The following FAT3 variants were observed in gnomAD, a reference collection of about 807,000 sequenced individuals.
FAT3 encodes the protein protocadherin Fat 3.
In FAT3, 95 loss-of-function variants were observed where a neutral mutation model predicts 310.2. The observed-to-expected ratio is 0.31, with a 90% CI of 0.26 to 0.36. The LOEUF (loss-of-function observed/expected upper bound fraction) is 0.36. Ranked by LOEUF, FAT3 falls within the 10% of genes least tolerant of loss-of-function variation. The probability of loss-of-function intolerance (pLI) is 1.00; values close to 1 mark genes in which losing one functional copy is unlikely to be tolerated. For missense variants in FAT3, 5,408 were observed against 5,715.6 expected, an observed-to-expected ratio of 0.95 and a Z score of 1.74; for synonymous variants, 2,314 against 2,192.9, an observed-to-expected ratio of 1.06 and a Z score of -1.54.
chr11:92,273,040 G>T (rs886679157), intron 1 of FAT3, among the ~76,000 whole-genome samples: 2 of 152,002 alleles, frequency 1.3e-5, no homozygotes, highest in African/African-American at 4.8e-5. Context: ...GCCTTGCTGG[G>T]CATCCCCCAT....
At chr11:92,307,303 T>C (rs1235171722) in intron 1 of FAT3, among the ~76,000 whole-genome samples, 3 of 152,088 alleles carry the variant, frequency 2.0e-5, no homozygotes, top group African/African-American at 7.2e-5. Flanking sequence ...CAACATCATG[T>C]TGAAGCTGGA....
intron 2 of FAT3, among the ~76,000 whole-genome samples, chr11:92,445,660 T>C (rs1951191402): frequency 6.6e-6 from 1 of 152,142 alleles, no homozygotes; most frequent in Non-Finnish European, 1.5e-5. Flanking sequence ...GTTTTGCATA[T>C]ATGAGTGTAT....
At chr11:92,488,909 C>T (rs1353829383) in intron 2 of FAT3, among the ~76,000 whole-genome samples, 1 of 152,088 alleles carries the variant, frequency 6.6e-6, no homozygotes, top group Non-Finnish European at 1.5e-5. Flanking sequence ...ATTTCCTCAA[C>T]ACTAAAGTGA....
chr11:92,348,787 C>T (rs1230363208), intron 1 of FAT3, among the ~76,000 whole-genome samples: 3 of 152,120 alleles, frequency 2.0e-5, no homozygotes, highest in African/African-American at 7.2e-5. Context: ...ATCTTTAAGG[C>T]TCCTTTGAAC....
At chr11:92,258,275 A>G (rs1353224562) in intron 1 of FAT3, among the ~76,000 whole-genome samples, 1 of 152,158 alleles carries the variant, frequency 6.6e-6, no homozygotes, top group Non-Finnish European at 1.5e-5. Context: ...CACAAGTGAA[A>G]CAGACACTGC....
intron 1 of FAT3, among the ~76,000 whole-genome samples, chr11:92,259,280 T>G (rs1337175752): frequency 1.3e-5 from 2 of 152,118 alleles, no homozygotes; most frequent in Admixed American, 6.6e-5. Context: ...AATATGAACT[T>G]TCTCCTGCTG....
intron 12 of FAT3, among the ~76,000 whole-genome samples, chr11:92,806,716 A>T (rs1303574258): frequency 6.6e-6 from 1 of 152,170 alleles, no homozygotes; most frequent in East Asian, 1.9e-4. Flanking sequence ...AGGCATATGG[A>T]TTTACTTATG....
At chr11:92,592,184 A>G (rs1458311) in intron 3 of FAT3, among the ~76,000 whole-genome samples, 28,517 of 151,986 alleles carry the variant, frequency 0.19, 2,940 homozygotes, top group African/African-American at 0.27. Flanking sequence ...AATGAGGGAT[A>G]GTATTAGGGG....
chr11:92,499,469 A>G (rs553414585), intron 2 of FAT3, among the ~76,000 whole-genome samples: 2 of 152,244 alleles, frequency 1.3e-5, no homozygotes, highest in South Asian at 4.1e-4. Flanking sequence ...TTTAGTATTC[A>G]TTGATTTAAT....
chr11:92,699,502 A>T (rs1004166439), intron 4 of FAT3, among the ~76,000 whole-genome samples: 58 of 152,206 alleles, frequency 3.8e-4, no homozygotes, highest in Admixed American at 6.5e-4. Flanking sequence ...TTATAAAAAA[A>T]TTTTTTAAAT....
At chr11:92,632,700 AG>A (rs1365146862) in intron 3 of FAT3, among the ~76,000 whole-genome samples, 5 of 152,342 alleles carry the variant, frequency 3.3e-5, no homozygotes, top group African/African-American at 9.6e-5. Flanking sequence ...CCAGTTCCTA[AG>A]GGAAGTTCCG....
Position 92,870,612 on chromosome 11 carries a change from C to G in FAT3, c.12127+3403C>G, listed in dbSNP as rs141540961. On this transcript the variant is annotated intron_variant, in intron 22 of 27. Transcript: ENST00000525166. ...ATGTCTGAATGTAATATGTCAACAC[C>G]CACAGTCTGAATAAGGAGTCCTCAG... Among the ~76,000 whole-genome samples, 469 of 152,164 alleles carry G rather than the reference C, an allele frequency of 3.1e-3. 4 individuals carry two copies. Among genetic ancestry groups the G allele is most frequent in the African/African-American group, 0.01 (435 of 41,504 alleles).
At chr11:92,483,675 C>A (rs1362401592) in intron 2 of FAT3, among the ~76,000 whole-genome samples, 3 of 151,940 alleles carry the variant, frequency 2.0e-5, no homozygotes, top group Non-Finnish European at 2.9e-5. Context: ...CCAAGCACTG[C>A]CAAACACATC....
intron 2 of FAT3, among the ~76,000 whole-genome samples, chr11:92,482,885 A>G (rs551296451): frequency 6.6e-6 from 1 of 152,224 alleles, no homozygotes; most frequent in Admixed American, 6.5e-5. Flanking sequence ...GATTTATAAC[A>G]CCTTTGCTGT....
At chr11:92,874,571 C>T (rs1565669091) in intron 22 of FAT3, among the ~76,000 whole-genome samples, 1 of 152,196 alleles carries the variant, frequency 6.6e-6, no homozygotes, top group African/African-American at 2.4e-5. Context: ...TGGAGTTTCG[C>T]TCTTGTTGCC....
chr11:92,350,981 C>T (rs1948548438), intron 1 of FAT3, among the ~76,000 whole-genome samples: 1 of 152,070 alleles, frequency 6.6e-6, no homozygotes, highest in Non-Finnish European at 1.5e-5. Flanking sequence ...TTGTTGAATA[C>T]CTCCTTTCTC....
At chr11:92,470,357 T>C (rs1396426747) in intron 2 of FAT3, among the ~76,000 whole-genome samples, 2 of 152,260 alleles carry the variant, frequency 1.3e-5, no homozygotes, top group Non-Finnish European at 2.9e-5. Context: ...CCATCAGTTA[T>C]ATAATGTATA....
intron 4 of FAT3, among the ~76,000 whole-genome samples, chr11:92,726,413 C>G (rs1436017231): frequency 1.3e-5 from 2 of 152,098 alleles, no homozygotes; most frequent in Non-Finnish European, 2.9e-5. Context: ...AGAAAAGACA[C>G]AGAACAACCA....
At chr11:92,452,306 G>A (rs1320109157) in intron 2 of FAT3, among the ~76,000 whole-genome samples, 1 of 152,022 alleles carries the variant, frequency 6.6e-6, no homozygotes, top group Non-Finnish European at 1.5e-5. Flanking sequence ...TGATAGTATC[G>A]GACTGTTTAT....
Sources: gnomAD v4.1 joint callset for allele counts (sites outside exome capture counted in the v4.1 genomes callset) on GRCh38, gnomAD v4.1.1 for gene constraint, MANE v1.5 for transcripts, NCBI Gene and HGNC (gene_info 2026-07-23, HGNC 2026-07-21) for gene names.